The following SENP5 variants were observed in gnomAD, a reference collection of about 807,000 sequenced individuals.
SENP5 encodes the protein sentrin-specific protease 5.
A neutral mutation model predicts 74.2 loss-of-function variants in SENP5; 21 were observed. That is an observed-to-expected ratio of 0.28 (90% CI 0.20 to 0.41). The LOEUF (loss-of-function observed/expected upper bound fraction) is 0.41, where lower values mean the gene tolerates loss of function less well. SENP5 is among the 10% of genes least tolerant of loss of function. SENP5 has a pLI of 1.00. For missense variants in SENP5, 717 were observed against 889.1 expected (o/e 0.81, Z 2.46); for synonymous variants, 311 against 312.7 (o/e 0.99, Z 0.06).
chr3:196,913,807 A>C (rs1715240932), intron 6 of SENP5: 1 of 151,200 alleles, frequency 6.6e-6, no homozygotes, highest in Admixed American at 6.6e-5. Context: ...ACACCACCAC[A>C]CCTGGCTAAT....
chr3:196,900,812 C>A (rs1202836277), intron 5 of SENP5, among the ~76,000 whole-genome samples: 1 of 151,806 alleles, frequency 6.6e-6, no homozygotes, highest in Non-Finnish European at 1.5e-5. Flanking sequence ...TCTCGAACTC[C>A]TGACCTCAGG....
At position 196,886,439 on chromosome 3, in the gene SENP5, A is replaced by G; in HGVS notation, c.1258A>G (p.Thr420Ala). 2 of 1,610,556 alleles carry G rather than the reference A, an allele frequency of 1.2e-6. No homozygotes were observed. The highest frequency in any genetic ancestry group is 1.7e-6 in the Non-Finnish European group (2 of 1,177,762). ...RVKLSVSGAD[T>A]SVSSVDGPVS... ...AAAACTGTCAGTGTCTGGAGCAGAT[A>G]CATCTGTGAGTAGCGTAGATGGGCC... Residue 420 changes from threonine (T) to alanine (A), a missense_variant, in exon 2 of 10, where the codon ACA (threonine) becomes GCA (alanine). By Grantham distance (58) the Thr-to-Ala change is moderately conservative. Transcript: ENST00000323460.
intron 6 of SENP5, among the ~76,000 whole-genome samples, chr3:196,920,652 G>C (rs1328285510): frequency 6.6e-6 from 1 of 152,144 alleles, no homozygotes; most frequent in Non-Finnish European, 1.5e-5. Flanking sequence ...GTCAGCTGTA[G>C]GCTTTCCTAT....
chr3:196,927,663 C>A, intron 7 of SENP5, 133 bp from the exon 8 acceptor site: 3 of 504,154 alleles, frequency 6.0e-6, no homozygotes, highest in African/African-American at 2.0e-5. Context: ...AAAATTGTTC[C>A]AGCTTCTTAA....
At chr3:196,869,218 G>C (rs186683756) in intron 1 of SENP5, among the ~76,000 whole-genome samples, 15 of 151,654 alleles carry the variant, frequency 9.9e-5, no homozygotes, top group Non-Finnish European at 2.2e-4. Context: ...TTTTTGGAGG[G>C]GGGACAGGGT....
chr3:196,887,134 T>G (rs1157432862), intron 2 of SENP5, among the ~76,000 whole-genome samples: 1 of 152,186 alleles, frequency 6.6e-6, no homozygotes, highest in African/African-American at 2.4e-5. Flanking sequence ...GAACATCTGT[T>G]TCTGTGTTTA....
intron 2 of SENP5, among the ~76,000 whole-genome samples, chr3:196,892,384 T>A (rs1714248744): frequency 6.6e-6 from 1 of 152,014 alleles, no homozygotes; most frequent in Admixed American, 6.6e-5. Flanking sequence ...TCACCTCAAG[T>A]GATCCGCCCG....
chr3:196,873,026 T>C (rs937880064), intron 1 of SENP5, among the ~76,000 whole-genome samples: 1 of 152,024 alleles, frequency 6.6e-6, no homozygotes, highest in Non-Finnish European at 1.5e-5. Flanking sequence ...TTTTGAGGTA[T>C]TGTTCTTTAG....
chr3:196,920,973 ATCT>A (rs747110601), intron 6 of SENP5, among the ~76,000 whole-genome samples: 6 of 152,218 alleles, frequency 3.9e-5, no homozygotes, highest in Admixed American at 1.3e-4. Context: ...AGTCTGTATA[ATCT>A]TCTCACAGGG....
chr3:196,900,122 A>G, intron 4 of SENP5, 60 bp downstream of exon 4: 1 of 1,564,272 alleles, frequency 6.4e-7, no homozygotes, highest in Non-Finnish European at 8.6e-7. Flanking sequence ...TCAATAAAAT[A>G]TAATCTCTAG....
At chr3:196,924,175 G>T (rs1196034575) in intron 7 of SENP5, among the ~76,000 whole-genome samples, 1 of 152,138 alleles carries the variant, frequency 6.6e-6, no homozygotes, top group Non-Finnish European at 1.5e-5. Context: ...AATGAAATAT[G>T]GAAAATGTTA....
intron 9 of SENP5, 54 bp downstream of exon 9, chr3:196,929,737 G>A (rs1273719210): frequency 2.4e-6 from 3 of 1,236,574 alleles, no homozygotes; most frequent in Admixed American, 3.5e-5. Flanking sequence ...AGTCTGTTGG[G>A]TTGAGAGGGG....
chr3:196,907,410 C>T (rs180804014), intron 6 of SENP5, among the ~76,000 whole-genome samples: 394 of 148,910 alleles, frequency 2.6e-3, no homozygotes, highest in African/African-American at 8.6e-3. Context: ...GAGCCAAGAT[C>T]GCACCACTGC....
intron 6 of SENP5, among the ~76,000 whole-genome samples, chr3:196,916,979 C>A (rs1459805317): frequency 1.3e-5 from 2 of 151,818 alleles, no homozygotes; most frequent in Non-Finnish European, 2.9e-5. Context: ...ACTAAAAATA[C>A]AAAAATTAGC....
chr3:196,906,162 G>A (rs145520759), intron 6 of SENP5, among the ~76,000 whole-genome samples: 2,070 of 152,184 alleles, frequency 0.014, 45 homozygotes, highest in South Asian at 0.11. Flanking sequence ...GGAGGTTGCT[G>A]TGAGCCGAGA....
chr3:196,892,027 T>G lies in SENP5; in HGVS notation c.1513+5333T>G, dbSNP rs147156985. On this transcript the variant is annotated intron_variant, in intron 2 of 9. Coordinates refer to ENST00000323460, the MANE Select transcript of SENP5 (RefSeq NM_152699.5). ...GGATGGTCTCAATCTCCTGACCTCA[T>G]GATCCACCTGCCTCAGCCTCCCAAA... Among the ~76,000 whole-genome samples, 189 of 152,002 alleles carry G rather than the reference T, an allele frequency of 1.2e-3. 7 individuals carry two copies. The East Asian group carries it at 0.031, about 25-fold the overall frequency.
chr3:196,897,490 A>G (rs1714492545), intron 2 of SENP5, among the ~76,000 whole-genome samples: 2 of 152,166 alleles, frequency 1.3e-5, no homozygotes, highest in Non-Finnish European at 2.9e-5. Context: ...CTGTACCCTG[A>G]CCTTTGCTCC....
At position 196,877,326 on chromosome 3, in the gene SENP5, G is replaced by T. The variant is rs116489055; in HGVS notation, c.-31-7825G>T. On this transcript the variant is annotated intron_variant, in intron 1 of 9. Transcript: ENST00000323460. ...GGCTCCTGAGAAGCTGGCCATTACT[G>T]GTGCCCACCACCACACACGGCTAAG... Among the ~76,000 whole-genome samples, 980 of 152,064 alleles carry T rather than the reference G, an allele frequency of 6.4e-3. 11 individuals are homozygous for T. Among genetic ancestry groups the T allele is most frequent in the African/African-American group, 0.022 (932 of 41,446 alleles).
chr3:196,897,292 A>G (rs1166808057), intron 2 of SENP5, among the ~76,000 whole-genome samples: 2 of 152,182 alleles, frequency 1.3e-5, no homozygotes, highest in African/African-American at 2.4e-5. Flanking sequence ...CAAGGTTATG[A>G]TTAGGTAACT....
Sources: gnomAD v4.1 joint callset for allele counts (sites outside exome capture counted in the v4.1 genomes callset) on GRCh38, gnomAD v4.1.1 for gene constraint, MANE v1.5 for transcripts, NCBI Gene and HGNC (gene_info 2026-07-23, HGNC 2026-07-21) for gene names.